SCN1A: variants seen among roughly 807,000 people sequenced by gnomAD.
The protein encoded by SCN1A is sodium voltage-gated channel alpha subunit 1.
In SCN1A, 13 loss-of-function variants were observed where a neutral mutation model predicts 193.7. The ratio of observed to expected loss-of-function variants is 0.07; its 90% confidence interval spans 0.04 to 0.11. The LOEUF (loss-of-function observed/expected upper bound fraction) is 0.11, where lower values mean the gene tolerates loss of function less well. Ranked by LOEUF, SCN1A falls within the 10% of genes least tolerant of loss-of-function variation. The probability of loss-of-function intolerance (pLI) is 1.00; values close to 1 mark genes in which losing one functional copy is unlikely to be tolerated. For missense variants in SCN1A, 1,432 were observed against 2,451.1 expected, an observed-to-expected ratio of 0.58 and a Z score of 8.78; for synonymous variants, 781 against 843.6, an observed-to-expected ratio of 0.93 and a Z score of 1.29.
At chr2:166,046,208 A>G (rs546024681) in intron 12 of SCN1A, among the ~76,000 whole-genome samples, 1 of 152,286 alleles carries the variant, frequency 6.6e-6, no homozygotes, top group Non-Finnish European at 1.5e-5. Context: ...GAGGACTAAC[A>G]CTTCACTATA....
chr2:166,061,417 G>A (rs1181661277), intron 4 of SCN1A, among the ~76,000 whole-genome samples: 9 of 152,070 alleles, frequency 5.9e-5, no homozygotes, highest in Admixed American at 2.0e-4. Context: ...GACAAAAATC[G>A]GGGAAAGGTG....
intron 3 of SCN1A, among the ~76,000 whole-genome samples, chr2:166,075,703 C>A (rs1256046182): frequency 6.6e-6 from 1 of 151,902 alleles, no homozygotes; most frequent in African/African-American, 2.4e-5. Context: ...TAAAGGTAGA[C>A]TTGGCTTTGT....
intron 24 of SCN1A, chr2:166,000,075 G>A: frequency 2.7e-6 from 1 of 369,608 alleles, no homozygotes; most frequent in Non-Finnish European, 5.0e-6. Context: ...AAAATTTGCT[G>A]GAGCACTTTT....
intron 13 of SCN1A, 22 bp from the exon 14 acceptor site, chr2:166,044,071 CAAAT>C (rs745650065): frequency 9.3e-6 from 15 of 1,613,172 alleles, no homozygotes; most frequent in Middle Eastern, 1.7e-4. Context: ...AAAGAGCAAA[CAAAT>C]AAAGTCATAT....
Position 165,991,500 on chromosome 2 carries a change from A to C in SCN1A, c.5775T>G (p.Ala1925=). Residue 1925 remains alanine (A), a synonymous_variant, in exon 29 of 29, where the codon GCT becomes GCG. Transcript: ENST00000674923. ...TTCGCTTTAAAAGGTGGCGTCTGTA[A>C]GCACGCTGAATAATGACAGCAGATA... is the stretch of plus-strand genomic sequence containing the variant. ...EEVSAVIIQR[A]YRRHLLKRTV... 2 of 1,613,972 alleles carry C rather than the reference A, an allele frequency of 1.2e-6. No individual in the cohort carries two copies. Among genetic ancestry groups the C allele is most frequent in the Non-Finnish European group, 1.7e-6 (2 of 1,179,912 alleles).
chr2:166,039,298 G>T, intron 17 of SCN1A, 125 bp downstream of exon 17: 1 of 953,236 alleles, frequency 1.0e-6, no homozygotes, highest in Non-Finnish European at 1.6e-6. Flanking sequence ...TTTTGACAAT[G>T]CAAATGTTAC....
In SCN1A at chr2:166,043,933, A is replaced by G; in HGVS notation, c.1779T>C (p.Asp593=). The change falls in exon 14 of 29, where the codon GAT becomes GAC. Residue 593 remains aspartate (D), a synonymous_variant. Coordinates refer to ENST00000674923, the MANE Select transcript of SCN1A (RefSeq NM_001165963.4). The part of the protein sequence containing the change: ...DVGSENDFAD[D]EHSTFEDNES... ...CGTTATCCTCAAAGGTGCTGTGCTCATCATCTGCGAAGTCGTTCTCAGATC... is the reference window on the plus strand; with the variant it reads ...CGTTATCCTCAAAGGTGCTGTGCTCGTCATCTGCGAAGTCGTTCTCAGATC... 6.2e-7 allele frequency: 1 copy of G among 1,614,176 alleles called. No homozygotes were observed. Among genetic ancestry groups the G allele is most frequent in the Non-Finnish European group, 8.5e-7 (1 of 1,180,016 alleles).
intron 7 of SCN1A, 29 bp from the exon 8 acceptor site, chr2:166,052,972 A>C (rs1188716095): frequency 6.4e-7 from 1 of 1,571,238 alleles, no homozygotes; most frequent in African/African-American, 1.3e-5. Context: ...ACACAAACAC[A>C]AAAACAGGAC....
intron 3 of SCN1A, among the ~76,000 whole-genome samples, chr2:166,076,298 G>T (rs1275597064): frequency 6.6e-6 from 1 of 151,570 alleles, no homozygotes; most frequent in Non-Finnish European, 1.5e-5. Flanking sequence ...TTTCCCTCTT[G>T]TATTTTTAGT....
chr2:166,040,886 C>A (rs1028460468), intron 16 of SCN1A, among the ~76,000 whole-genome samples: 3 of 152,098 alleles, frequency 2.0e-5, no homozygotes, highest in African/African-American at 7.2e-5. Flanking sequence ...TAAAAGAGAT[C>A]CACAATTTTA....
In SCN1A at chr2:166,048,654, C is replaced by A. The variant is rs181132388; in HGVS notation, c.1028+232G>T. ...GTCTTTGCTATTGTGAATAGTGCTGCAATGAACATACGTGTGCATGTGTCT... is the reference window on the plus strand; with the variant it reads ...GTCTTTGCTATTGTGAATAGTGCTGAAATGAACATACGTGTGCATGTGTCT... On this transcript the variant is annotated intron_variant, in intron 10 of 28. Coordinates refer to ENST00000674923, the MANE Select transcript of SCN1A (RefSeq NM_001165963.4). Among the ~76,000 whole-genome samples, 36 of 152,112 alleles carry A rather than the reference C, an allele frequency of 2.4e-4. No individual in the cohort carries two copies. The East Asian group carries it at 5.0e-3, about 21-fold the overall frequency.
chr2:166,116,851 T>A (rs1350979955), intron 2 of SCN1A, among the ~76,000 whole-genome samples: 1 of 152,138 alleles, frequency 6.6e-6, no homozygotes, highest in African/African-American at 2.4e-5. Flanking sequence ...ACAAAATAAA[T>A]TTCAAGTGAA....
intron 19 of SCN1A, among the ~76,000 whole-genome samples, chr2:166,022,437 A>T (rs1010220165): frequency 4.6e-5 from 7 of 152,178 alleles, no homozygotes; most frequent in African/African-American, 1.4e-4. Context: ...TGTGGGTATT[A>T]AAAAAGTTAT....
intron 2 of SCN1A, among the ~76,000 whole-genome samples, chr2:166,106,939 G>C (rs912466408): frequency 6.6e-6 from 1 of 152,142 alleles, no homozygotes; most frequent in Non-Finnish European, 1.5e-5. Context: ...CTACCAAAGA[G>C]AGCTAAGAGG....
At chr2:166,071,975 A>G (rs1245136301) in intron 4 of SCN1A, 1 of 152,078 alleles carries the variant, frequency 6.6e-6, no homozygotes, top group East Asian at 1.9e-4. Context: ...ACCTAAGGCT[A>G]GTCAACCTTT....
Position 166,042,413 on chromosome 2 carries a change from A to C in SCN1A, c.2055T>G (p.Thr685=). Residue 685 remains threonine (T), a synonymous_variant, in exon 15 of 29, where the codon ACT becomes ACG. Coordinates refer to ENST00000674923, the MANE Select transcript of SCN1A (RefSeq NM_001165963.4). ...KPATDDNGTT[T]ETEMRKRRSS... The stretch of plus-strand genomic sequence containing the variant: ...ACCTTCTCTTTCTCATTTCAGTTTC[A>C]GTGGTTGTTCCCTGTAAAAAAAAAT... 3.1e-6 allele frequency: 5 copies of C among 1,613,872 alleles called. No individual in the cohort carries two copies. In the South Asian group the frequency reaches 5.5e-5, roughly 18 times the overall value.
chr2:166,074,898 G>T (rs1684840457), intron 3 of SCN1A, among the ~76,000 whole-genome samples: 1 of 152,126 alleles, frequency 6.6e-6, no homozygotes, highest in African/African-American at 2.4e-5. Flanking sequence ...TTTCAGAGTG[G>T]ATGATCAAAA....
At chr2:166,000,260 C>T (rs1357853634) in intron 24 of SCN1A, among the ~76,000 whole-genome samples, 1 of 151,732 alleles carries the variant, frequency 6.6e-6, no homozygotes, top group Non-Finnish European at 1.5e-5. Context: ...TACATAAAGG[C>T]AGGGTTGCAA....
chr2:166,098,749 T>A (rs1017164176), intron 2 of SCN1A, among the ~76,000 whole-genome samples: 2 of 152,052 alleles, frequency 1.3e-5, no homozygotes, highest in Non-Finnish European at 2.9e-5. Flanking sequence ...AATAATGCAA[T>A]CTCATTCACG....
Sources: gnomAD v4.1 joint callset for allele counts (sites outside exome capture counted in the v4.1 genomes callset) on GRCh38, gnomAD v4.1.1 for gene constraint, MANE v1.5 for transcripts, NCBI Gene and HGNC (gene_info 2026-07-23, HGNC 2026-07-21) for gene names.